Variants in UNC5D observed in about 807,000 individuals in gnomAD.
UNC5D encodes netrin receptor UNC5D.
UNC5D carries 39 observed loss-of-function variants against 105.4 expected under a neutral mutation model. The ratio of observed to expected loss-of-function variants is 0.37; its 90% CI spans 0.29 to 0.48. The LOEUF is 0.48. Ranked by LOEUF, UNC5D falls within the 20% of genes least tolerant of loss-of-function variation. The pLI is 0.98. For missense variants in UNC5D, 991 were observed against 1,202.4 expected (o/e 0.82, Z 2.60); for synonymous variants, 452 against 450.4 (o/e 1.00, Z -0.04).
chr8:35,355,939 T>G (rs1190953686), intron 1 of UNC5D, among the ~76,000 whole-genome samples: 1 of 152,074 alleles, frequency 6.6e-6, no homozygotes, highest in Non-Finnish European at 1.5e-5. Flanking sequence ...TGGGGAGTCT[T>G]GATCTTGGAC....
intron 1 of UNC5D, among the ~76,000 whole-genome samples, chr8:35,316,986 A>G (rs1317920992): frequency 6.6e-6 from 1 of 152,168 alleles, no homozygotes; most frequent in South Asian, 2.1e-4. Flanking sequence ...TTTAGAAGAT[A>G]AGCTAACATC....
chr8:35,671,102 C>T (rs891448876), intron 4 of UNC5D, among the ~76,000 whole-genome samples: 2 of 152,056 alleles, frequency 1.3e-5, no homozygotes, highest in Non-Finnish European at 2.9e-5. Flanking sequence ...CTTGCCCCAC[C>T]TCCACTAAGT....
intron 4 of UNC5D, among the ~76,000 whole-genome samples, chr8:35,602,696 C>T (rs1819977423): frequency 6.6e-6 from 1 of 151,946 alleles, no homozygotes; most frequent in African/African-American, 2.4e-5. Flanking sequence ...CTTTTTTCTT[C>T]TTTATTAGTC....
intron 1 of UNC5D, among the ~76,000 whole-genome samples, chr8:35,345,901 AAAG>A (rs1811777165): frequency 6.6e-6 from 1 of 152,076 alleles, no homozygotes; most frequent in Non-Finnish European, 1.5e-5. Context: ...CAACTGAAAG[AAAG>A]AAGATTTGCA....
chr8:35,674,715 C>T (rs918606904), intron 4 of UNC5D, among the ~76,000 whole-genome samples: 1 of 152,188 alleles, frequency 6.6e-6, no homozygotes, highest in Non-Finnish European at 1.5e-5. Flanking sequence ...CCTCGTGCTT[C>T]CGGGAATCCC....
In UNC5D at chr8:35,352,685, T is replaced by G. The variant is rs536724559; in HGVS notation, c.103+116798T>G. Among the ~76,000 whole-genome samples the G allele has an allele frequency of 1.2e-4, 19 of 152,264 alleles. No individual in the cohort carries two copies. The East Asian group carries it at 2.9e-3, about 23-fold the overall frequency. ...TGGAGTACAGTAGCACAATCTCGGC[T>G]CATTGCAACCTCTGCCTCCTGGGTT... is the stretch of plus-strand genomic sequence containing the variant. On this transcript the variant is annotated intron_variant, in intron 1 of 16. Coordinates refer to ENST00000404895, the MANE Select transcript of UNC5D (RefSeq NM_080872.4).
chr8:35,378,194 T>C (rs1165423000), intron 1 of UNC5D, among the ~76,000 whole-genome samples: 1 of 152,190 alleles, frequency 6.6e-6, no homozygotes, highest in Non-Finnish European at 1.5e-5. Flanking sequence ...TGTTAACAAA[T>C]ATGATGTACA....
At chr8:35,261,167 T>G (rs1358408427) in intron 1 of UNC5D, among the ~76,000 whole-genome samples, 1 of 152,322 alleles carries the variant, frequency 6.6e-6, no homozygotes, top group East Asian at 1.9e-4. Context: ...CAGATGGACT[T>G]GCGCATCAAA....
At chr8:35,783,676 T>C (rs1802610473) in intron 16 of UNC5D, among the ~76,000 whole-genome samples, 2 of 152,194 alleles carry the variant, frequency 1.3e-5, no homozygotes, top group Non-Finnish European at 2.9e-5. Context: ...TTAGATGTGC[T>C]AGTCCCTAAA....
intron 1 of UNC5D, among the ~76,000 whole-genome samples, chr8:35,467,943 A>G (rs563923522): frequency 6.6e-6 from 1 of 152,290 alleles, no homozygotes; most frequent in East Asian, 1.9e-4. Flanking sequence ...AAATTCTGTG[A>G]TCTTATCAAA....
chr8:35,489,762 G>A lies in UNC5D; in HGVS notation c.104-59530G>A, dbSNP rs2130088447. On this transcript the variant is annotated intron_variant, in intron 1 of 16. Coordinates refer to ENST00000404895, the MANE Select transcript of UNC5D (RefSeq NM_080872.4). The stretch of plus-strand genomic sequence containing the variant: ...TTATTAAGGAGCCCATTGTATTGGT[G>A]CTGTCTACTTCTACAAAACATGTAG... Among the ~76,000 whole-genome samples the A allele has an allele frequency of 2.0e-5, 3 of 152,258 alleles. 1 individual carries two copies. The South Asian group carries it at 6.2e-4, about 32-fold the overall frequency.
chr8:35,767,023 A>C lies in UNC5D; in HGVS notation c.2435A>C (p.Lys812Thr). ...TGCAAAATCTGCATTCGGCAGCTCAAAGGCCATGAACAGATCCTCCAAGTG... is the reference window on the plus strand; with the variant it reads ...TGCAAAATCTGCATTCGGCAGCTCACAGGCCATGAACAGATCCTCCAAGTG... Reference protein sequence around the residue: ...LSCKICIRQLKGHEQILQVQT... With the variant: ...LSCKICIRQLTGHEQILQVQT... The change falls in exon 15 of 17, where the codon AAA (lysine) becomes ACA (threonine). Residue 812 changes from lysine (K) to threonine (T), a missense_variant. Physicochemically the swap from Lys to Thr is moderately conservative, Grantham distance 78. Transcript: ENST00000404895. 1 of 1,614,014 alleles carries C rather than the reference A, an allele frequency of 6.2e-7. No homozygotes were observed. Among genetic ancestry groups the C allele is most frequent in the African/African-American group, 1.3e-5 (1 of 75,038 alleles).
intron 1 of UNC5D, among the ~76,000 whole-genome samples, chr8:35,444,234 T>G (rs1201883995): frequency 1.3e-5 from 2 of 152,054 alleles, no homozygotes; most frequent in East Asian, 3.9e-4. Flanking sequence ...GTACTTGGTT[T>G]CATACTCTTT....
intron 1 of UNC5D, among the ~76,000 whole-genome samples, chr8:35,491,494 T>C (rs1811213416): frequency 6.6e-6 from 1 of 152,188 alleles, no homozygotes; most frequent in South Asian, 2.1e-4. Context: ...TCATATTAAC[T>C]AATTTTTCAA....
At chr8:35,331,800 G>T (rs10954985) in intron 1 of UNC5D, among the ~76,000 whole-genome samples, 1 of 151,890 alleles carries the variant, frequency 6.6e-6, no homozygotes, top group Non-Finnish European at 1.5e-5. Context: ...ACTGACTATA[G>T]GACATCTGCC....
At chr8:35,280,201 G>A (rs1806053813) in intron 1 of UNC5D, among the ~76,000 whole-genome samples, 1 of 152,060 alleles carries the variant, frequency 6.6e-6, no homozygotes, top group Non-Finnish European at 1.5e-5. Context: ...TTACCTTGTT[G>A]GTCTGGCTGG....
In UNC5D at chr8:35,722,405, A is replaced by C; in HGVS notation, c.1303+10A>C. 1.2e-6 allele frequency: 2 copies of C among 1,612,054 alleles called. No individual in the cohort carries two copies. Among genetic ancestry groups the C allele is most frequent in the Non-Finnish European group, 1.7e-6 (2 of 1,179,172 alleles). ...AAAACAGTCCGTCAAGGTCAGCGGC[A>C]TAGGTCCCTCCACACCTCGTCCTCA... On this transcript the variant is annotated intron_variant, in intron 9 of 16. Transcript: ENST00000404895.
At chr8:35,532,479 A>AG (rs1297026553) in intron 1 of UNC5D, among the ~76,000 whole-genome samples, 3 of 85,390 alleles carry the variant, frequency 3.5e-5, no homozygotes, top group African/African-American at 1.7e-4. Flanking sequence ...TGCCCTTAAC[A>AG]TTTTTTCCTT....
intron 4 of UNC5D, among the ~76,000 whole-genome samples, chr8:35,678,500 A>G (rs966800224): frequency 6.6e-6 from 1 of 152,206 alleles, no homozygotes; most frequent in African/African-American, 2.4e-5. Flanking sequence ...GCCATAATTA[A>G]CTATCAGAAA....
Sources: allele counts gnomAD v4.1 joint callset (sites outside exome capture counted in the v4.1 genomes callset), GRCh38; gene constraint gnomAD v4.1.1; transcripts MANE v1.5; gene names NCBI Gene and HGNC (gene_info 2026-07-23, HGNC 2026-07-21).